Variants in MTOR observed in about 807,000 individuals in gnomAD.
MTOR encodes serine/threonine-protein kinase mTOR.
Under a neutral mutation model 319.8 loss-of-function variants are expected in MTOR, and 70 were observed. That is an observed-to-expected ratio of 0.22 (90% CI 0.18 to 0.27). MTOR has a LOEUF of 0.27. Among genes scored for constraint, MTOR ranks in the 10% least tolerant of loss-of-function variants. The pLI is 1.00. For missense variants in MTOR, 1,890 were observed against 3,274.4 expected (o/e 0.58, Z 10.32); for synonymous variants, 1,183 against 1,211.4 (o/e 0.98, Z 0.49).
intron 13 of MTOR, among the ~76,000 whole-genome samples, chr1:11,236,135 T>C (rs1238860544): frequency 1.3e-5 from 2 of 150,502 alleles, no homozygotes; most frequent in African/African-American, 4.9e-5. Context: ...TCTTATTTTT[T>C]CCTTTTTTTT....
At chr1:11,172,842 A>G (rs2100635547) in intron 28 of MTOR, among the ~76,000 whole-genome samples, 1 of 146,772 alleles carries the variant, frequency 6.8e-6, no homozygotes, top group Middle Eastern at 3.4e-3. Flanking sequence ...AGCCTGAGCG[A>G]AAAAAGCAAG....
intron 34 of MTOR, chr1:11,144,384 C>A: frequency 2.5e-6 from 1 of 392,976 alleles, no homozygotes; most frequent in African/African-American, 2.0e-5. Flanking sequence ...ACTGACTGGT[C>A]ACAGGTGTCA....
Position 11,128,356 on chromosome 1 carries a change from G to T in MTOR, c.5910+98C>A. On this transcript the variant is annotated intron_variant, in intron 42 of 57. Coordinates refer to ENST00000361445, the MANE Select transcript of MTOR (RefSeq NM_004958.4). This position sits in a 1 kb window ranked among gnomAD's most constrained non-coding sequence, Gnocchi z 5.3. Reference sequence around the variant, plus strand: ...CTCCTGGGCCAGGATGGAACACATGGCTCCCAGTTCCTGCGCTTGTGTCGC... The same window carrying T: ...CTCCTGGGCCAGGATGGAACACATGTCTCCCAGTTCCTGCGCTTGTGTCGC... The T allele has an allele frequency of 1.5e-6, 2 of 1,333,678 alleles. No homozygotes were observed. The highest frequency in any genetic ancestry group is 2.1e-6 in the Non-Finnish European group (2 of 940,378). The allele number at this position is 1,333,678 out of a possible 1,614,324, so 82.6% of individuals were successfully genotyped here. A position where few individuals can be genotyped will look rare whatever the true frequency, so the allele number is the denominator to read the frequency against.
intron 49 of MTOR, among the ~76,000 whole-genome samples, chr1:11,118,618 CTT>C (rs1359304379): frequency 0.056 from 7,107 of 127,088 alleles, 233 homozygotes; most frequent in South Asian, 0.12. Flanking sequence ...TTTTCTTCTT[CTT>C]TTTTTTTTTT....
At position 11,121,161 on chromosome 1, in the gene MTOR, G is replaced by A; in HGVS notation, c.6933+85C>T. 6.4e-7 allele frequency: 1 copy of A among 1,562,056 alleles called. No individual in the cohort carries two copies. The highest frequency in any genetic ancestry group is 1.4e-5 in the African/African-American group (1 of 73,812). ...CCAATCACAGCAAAGAAGAGCCGCT[G>A]TGTGCACATGAACAGATGGGAGGGC... On this transcript the variant is annotated intron_variant, in intron 49 of 57. Coordinates refer to ENST00000361445, the MANE Select transcript of MTOR (RefSeq NM_004958.4). This position sits in a 1 kb window ranked among gnomAD's most constrained non-coding sequence, Gnocchi z 4.9.
At chr1:11,242,261 G>A (rs1648147367) in intron 9 of MTOR, among the ~76,000 whole-genome samples, 2 of 152,246 alleles carry the variant, frequency 1.3e-5, no homozygotes, top group East Asian at 1.9e-4. Flanking sequence ...CTACTTGGGA[G>A]GCTAAGGTGG....
rs940115990 is a variant in MTOR at position 11,187,089 on chromosome 1, C to T, written c.4253+12169G>A. ...GAATGATTAATTTATTTTCTGCCCA[C>T]ATATAAGAATCAATTCATAACACTT... On this transcript the variant is annotated intron_variant, in intron 28 of 57. Transcript: ENST00000361445. Among the ~76,000 whole-genome samples the T allele has an allele frequency of 5.3e-5, 8 of 152,156 alleles. 1 individual carries two copies. The highest frequency in any genetic ancestry group is 1.7e-4 in the African/African-American group (7 of 41,430).
intron 28 of MTOR, among the ~76,000 whole-genome samples, chr1:11,174,316 C>T (rs1172099138): frequency 6.6e-6 from 1 of 152,210 alleles, no homozygotes; most frequent in Admixed American, 6.5e-5. Context: ...CATTAACTCT[C>T]TCTCTAGAAC....
In MTOR at chr1:11,238,618, CTGGA is replaced by C; in HGVS notation, c.1787-5_1787-2del. The C allele has an allele frequency of 6.2e-7, 1 of 1,605,982 alleles. No homozygotes were observed. Among genetic ancestry groups the C allele is most frequent in the Non-Finnish European group, 8.5e-7 (1 of 1,173,680 alleles). ...CGAACAAATTGGGTCAGAGAGTGGC[CTGGA>C]TAGAAAGGCAGAGAGAAAACAGAAT... On this transcript the variant is annotated splice_acceptor_variant and splice_polypyrimidine_tract_variant and intron_variant, in intron 11 of 57. Coordinates refer to ENST00000361445, the MANE Select transcript of MTOR (RefSeq NM_004958.4). LOFTEE classifies it high-confidence loss of function.
chr1:11,124,409 T>C (rs2100379820), intron 47 of MTOR, 89 bp downstream of exon 47: 1 of 1,481,488 alleles, frequency 6.7e-7, no homozygotes, highest in Non-Finnish European at 9.1e-7. Context: ...TAGTTTTTTG[T>C]TAAGATATAA....
At chr1:11,233,073 A>C (rs1408316084) in intron 15 of MTOR, 1 of 1,071,060 alleles carries the variant, frequency 9.3e-7, no homozygotes, top group Non-Finnish European at 1.4e-6. Context: ...AACCAGGTAC[A>C]ACTCCAAAAA....
chr1:11,249,876 C>T (rs1465614530), intron 6 of MTOR, among the ~76,000 whole-genome samples: 1 of 151,408 alleles, frequency 6.6e-6, no homozygotes, highest in Non-Finnish European at 1.5e-5. Context: ...CCTTTGCCCC[C>T]TTTCTATTCC....
At chr1:11,255,876 A>T in intron 5 of MTOR, 116 bp downstream of exon 5, 21 of 870,436 alleles carry the variant, frequency 2.4e-5, no homozygotes, top group Non-Finnish European at 3.4e-5. Flanking sequence ...TTCATTTGAG[A>T]GCAAACCAAA....
At chr1:11,153,889 C>A (rs951419991) in intron 30 of MTOR, among the ~76,000 whole-genome samples, 8 of 151,414 alleles carry the variant, frequency 5.3e-5, no homozygotes, top group African/African-American at 1.9e-4. Context: ...GCCAACATGG[C>A]GAAACCCCAT....
chr1:11,175,062 A>T (rs996783458), intron 28 of MTOR, among the ~76,000 whole-genome samples: 2 of 152,216 alleles, frequency 1.3e-5, no homozygotes, highest in African/African-American at 4.8e-5. Context: ...AAGAGAACTG[A>T]GTCCCAAGAA....
At chr1:11,174,195 G>C (rs899495168) in intron 28 of MTOR, among the ~76,000 whole-genome samples, 1 of 152,172 alleles carries the variant, frequency 6.6e-6, no homozygotes, top group Admixed American at 6.5e-5. Flanking sequence ...TATACTGCAA[G>C]CTCTGCAATG....
Position 11,204,553 on chromosome 1 carries a change from C to A in MTOR, c.3944+8G>T. On this transcript the variant is annotated splice_region_variant and intron_variant, in intron 26 of 57. Transcript: ENST00000361445. ...CTGATCTTCTCCACCCGCCCTGACA[C>A]ACTATACCTGGCCATCGGGTTGTAG... 1 of 1,613,214 alleles carries A rather than the reference C, an allele frequency of 6.2e-7. No individual in the cohort carries two copies. Among genetic ancestry groups the A allele is most frequent in the South Asian group, 1.1e-5 (1 of 91,010 alleles).
chr1:11,230,226 G>C (rs1019133521), intron 18 of MTOR, among the ~76,000 whole-genome samples: 1 of 152,010 alleles, frequency 6.6e-6, no homozygotes, highest in African/African-American at 2.4e-5. Context: ...TTTGAGAACA[G>C]CCAGGCCAAC....
intron 30 of MTOR, among the ~76,000 whole-genome samples, chr1:11,155,089 T>G (rs1644275502): frequency 6.6e-6 from 1 of 152,200 alleles, no homozygotes; most frequent in Non-Finnish European, 1.5e-5. Flanking sequence ...AAGATCATTC[T>G]TTTAGAAGAC....
Sources: allele counts gnomAD v4.1 joint callset (sites outside exome capture counted in the v4.1 genomes callset), GRCh38; gene constraint gnomAD v4.1.1; non-coding constraint Gnocchi (gnomAD v3.1); transcripts MANE v1.5; gene names NCBI Gene and HGNC (gene_info 2026-07-23, HGNC 2026-07-21).